The following HTR1E variants were observed in gnomAD, a reference collection of about 807,000 sequenced individuals.
HTR1E encodes 5-HT-1E.
In HTR1E, 3 loss-of-function variants were observed where a neutral mutation model predicts 3.4. The observed-to-expected ratio is 0.89, with a 90% CI of 0.41 to 2.31. The LOEUF is 2.31. Among genes scored for constraint, HTR1E ranks in the 30% most tolerant of loss-of-function variants. The pLI, the probability that HTR1E is intolerant of heterozygous loss-of-function variation, is 0.05. For synonymous variants in HTR1E, 170 were observed against 182.8 expected, an observed-to-expected ratio of 0.93 and a Z score of 0.56; for missense variants, 392 against 467.0, an observed-to-expected ratio of 0.84 and a Z score of 1.48.
intron 1 of HTR1E, among the ~76,000 whole-genome samples, chr6:86,975,785 A>C (rs896349373): frequency 1.2e-4 from 19 of 152,124 alleles, no homozygotes; most frequent in Non-Finnish European, 2.2e-4. Flanking sequence ...ACTCATGGAA[A>C]AGTGATTCCT....
At chr6:86,940,575 CTT>C (rs1296484282) in intron 1 of HTR1E, among the ~76,000 whole-genome samples, 1 of 152,134 alleles carries the variant, frequency 6.6e-6, no homozygotes, top group Non-Finnish European at 1.5e-5. Flanking sequence ...AAGTAGGTCT[CTT>C]TGCAGAAAGC....
chr6:86,948,709 G>C (rs558732204), intron 1 of HTR1E, among the ~76,000 whole-genome samples: 1 of 152,124 alleles, frequency 6.6e-6, no homozygotes, highest in Non-Finnish European at 1.5e-5. Flanking sequence ...ATGGGACCCA[G>C]GCCCATCCAA....
chr6:86,990,572 T>C (rs766642197), intron 1 of HTR1E, among the ~76,000 whole-genome samples: 11 of 152,162 alleles, frequency 7.2e-5, no homozygotes, highest in East Asian at 1.9e-4. Context: ...TAACCTAGTA[T>C]TGGATTATAA....
chr6:86,966,461 C>T (rs1767472134), intron 1 of HTR1E, among the ~76,000 whole-genome samples: 1 of 152,198 alleles, frequency 6.6e-6, no homozygotes, highest in South Asian at 2.1e-4. Flanking sequence ...TCATCTCTAC[C>T]TCTTTCCAGC....
At chr6:87,006,896 G>A (rs1562073147) in intron 1 of HTR1E, among the ~76,000 whole-genome samples, 1 of 152,142 alleles carries the variant, frequency 6.6e-6, no homozygotes, top group Non-Finnish European at 1.5e-5. Flanking sequence ...CACAGGGAGA[G>A]TAACAACACA....
At chr6:86,980,533 G>C (rs893841713) in intron 1 of HTR1E, among the ~76,000 whole-genome samples, 1 of 152,280 alleles carries the variant, frequency 6.6e-6, no homozygotes. Flanking sequence ...GAGATATTTA[G>C]TTCCACAGTA....
At chr6:86,979,064 T>C (rs1384377295) in intron 1 of HTR1E, among the ~76,000 whole-genome samples, 3 of 152,214 alleles carry the variant, frequency 2.0e-5, no homozygotes. Flanking sequence ...ATCAATTGAG[T>C]GTCCAAGATA....
intron 1 of HTR1E, chr6:86,970,760 G>T: frequency 9.2e-6 from 2 of 216,284 alleles, no homozygotes; most frequent in South Asian, 1.5e-4. Flanking sequence ...GCACACAAAG[G>T]TGTTCTGAAA....
chr6:86,959,272 G>GA (rs1767372021), intron 1 of HTR1E, among the ~76,000 whole-genome samples: 1 of 151,782 alleles, frequency 6.6e-6, no homozygotes, highest in African/African-American at 2.4e-5. Context: ...CTTAAAAAAA[G>GA]AAAAAAAGAA....
chr6:86,951,991 T>C (rs551354051), intron 1 of HTR1E, among the ~76,000 whole-genome samples: 6 of 152,270 alleles, frequency 3.9e-5, no homozygotes, highest in Admixed American at 2.0e-4. Flanking sequence ...ATGTGAACTT[T>C]CCTTAGTTGA....
chr6:86,973,874 G>C (rs1242775425), intron 1 of HTR1E, among the ~76,000 whole-genome samples: 6 of 152,114 alleles, frequency 3.9e-5, no homozygotes, highest in African/African-American at 1.2e-4. Flanking sequence ...AAACTGCCTT[G>C]CTGAAGCCCA....
chr6:86,968,137 T>C (rs894677684), intron 1 of HTR1E, among the ~76,000 whole-genome samples: 2 of 152,224 alleles, frequency 1.3e-5, no homozygotes, highest in South Asian at 2.1e-4. Flanking sequence ...TCATGCTACA[T>C]TATTATTTTT....
At chr6:87,007,355 G>A (rs1287239485) in intron 1 of HTR1E, among the ~76,000 whole-genome samples, 2 of 152,114 alleles carry the variant, frequency 1.3e-5, no homozygotes, top group African/African-American at 4.8e-5. Flanking sequence ...GGAGAGAATG[G>A]GGATGGTTAA....
chr6:86,979,475 ATTTT>A (rs1422807857), intron 1 of HTR1E, among the ~76,000 whole-genome samples: 2 of 152,230 alleles, frequency 1.3e-5, no homozygotes, highest in African/African-American at 4.8e-5. Flanking sequence ...AATAAGACGT[ATTTT>A]TTAAGTTTTG....
intron 1 of HTR1E, among the ~76,000 whole-genome samples, chr6:86,947,668 AT>A (rs1767140712): frequency 1.3e-5 from 2 of 151,970 alleles, no homozygotes; most frequent in Non-Finnish European, 2.9e-5. Context: ...GGAGTATGTT[AT>A]ATACTTTTCT....
chr6:86,995,688 G>GAAAAAAAAAAAA (rs58476122), intron 1 of HTR1E, among the ~76,000 whole-genome samples: 2 of 55,206 alleles, frequency 3.6e-5, no homozygotes, highest in African/African-American at 5.2e-5. Flanking sequence ...AAAAAAAAAA[G>GAAAAAAAAAAAA]AAAAAAAAAA....
chr6:86,960,631 A>G (rs996334491), intron 1 of HTR1E, among the ~76,000 whole-genome samples: 2 of 152,200 alleles, frequency 1.3e-5, no homozygotes, highest in Non-Finnish European at 2.9e-5. Context: ...CAAACACTTC[A>G]GGAAAGTGAG....
At position 87,015,747 on chromosome 6, in the gene HTR1E, G is replaced by T; in HGVS notation, c.413G>T (p.Arg138Met). ...IEYARKRTAK[R>M]AALMILTVWT... ...TACGCCAGGAAGAGGACGGCCAAGA[G>T]GGCCGCGCTGATGATCCTTACCGTC... The change falls in exon 2 of 2, where the codon AGG becomes ATG. Residue 138 changes from arginine to methionine, a missense_variant. This residue lies in a region of HTR1E where 189 missense variants were observed against 258.0 expected (regional missense o/e 0.73). Coordinates refer to ENST00000305344, the MANE Select transcript of HTR1E (RefSeq NM_000865.3). 1 of 1,609,696 alleles carries T rather than the reference G, an allele frequency of 6.2e-7. No individual in the cohort carries two copies. Among genetic ancestry groups the T allele is most frequent in the Non-Finnish European group, 8.5e-7 (1 of 1,177,314 alleles).
At chr6:86,953,538 T>A (rs1174558954) in intron 1 of HTR1E, among the ~76,000 whole-genome samples, 1 of 152,064 alleles carries the variant, frequency 6.6e-6, no homozygotes, top group East Asian at 1.9e-4. Flanking sequence ...GCTCTCAACA[T>A]CCGGGATGCT....
Sources: allele counts gnomAD v4.1 joint callset (sites outside exome capture counted in the v4.1 genomes callset), GRCh38; gene constraint gnomAD v4.1.1; regional missense constraint gnomAD v4.1.1; transcripts MANE v1.5; gene names NCBI Gene and HGNC (gene_info 2026-07-23, HGNC 2026-07-21).